TEAD4: variants seen among roughly 807,000 people sequenced by gnomAD.
TEAD4 encodes TEA domain transcription factor 4.
In TEAD4, 36 loss-of-function variants were observed where a neutral mutation model predicts 52.4. The ratio of observed to expected loss-of-function variants is 0.69; its 90% CI spans 0.53 to 0.91. The LOEUF (loss-of-function observed/expected upper bound fraction) is 0.91. Among genes scored for constraint, TEAD4 ranks in the 40% least tolerant of loss-of-function variants. TEAD4 has a pLI of 0.00. For synonymous variants in TEAD4, 220 were observed against 231.0 expected (o/e 0.95, Z 0.43); for missense variants, 508 against 583.9 (o/e 0.87, Z 1.34).
intron 10 of TEAD4, among the ~76,000 whole-genome samples, chr12:3,033,042 G>T (rs1591599944): frequency 6.6e-6 from 1 of 152,194 alleles, no homozygotes; most frequent in East Asian, 1.9e-4. Flanking sequence ...GCAAGGAAAC[G>T]GTGTCGCCTC....
At chr12:2,965,404 C>T (rs961865288) in intron 2 of TEAD4, among the ~76,000 whole-genome samples, 2 of 152,048 alleles carry the variant, frequency 1.3e-5, no homozygotes, top group Non-Finnish European at 2.9e-5. Context: ...AAGCAATCCT[C>T]CTACCTTGGC....
intron 10 of TEAD4, among the ~76,000 whole-genome samples, chr12:3,029,671 G>A (rs1310409591): frequency 6.6e-6 from 1 of 152,174 alleles, no homozygotes; most frequent in Admixed American, 6.5e-5. Flanking sequence ...GTGAGCCACT[G>A]TGCCTGGCCC....
At chr12:2,999,630 C>G (rs1019768662) in intron 3 of TEAD4, among the ~76,000 whole-genome samples, 2 of 152,234 alleles carry the variant, frequency 1.3e-5, no homozygotes, top group African/African-American at 4.8e-5. Context: ...GGGTGCTTGC[C>G]TTCTCCTGCT....
chr12:3,019,509 C>T (rs1220570550), intron 8 of TEAD4, among the ~76,000 whole-genome samples: 1 of 152,230 alleles, frequency 6.6e-6, no homozygotes, highest in Admixed American at 6.5e-5. Context: ...GTGCCTCACA[C>T]ACCTGGTCCT....
intron 2 of TEAD4, among the ~76,000 whole-genome samples, chr12:2,972,444 ATTTTACGTTCATT>A (rs978183183): frequency 9.2e-6 from 1 of 109,080 alleles, no homozygotes; most frequent in African/African-American, 3.5e-5. Flanking sequence ...AGAAGGTCTT[ATTTTACGTTCATT>A]TTTTACGTTT....
Position 3,036,323 on chromosome 12 carries a change from G to GT in TEAD4, c.898-1638dup, listed in dbSNP as rs1333075662. Among the ~76,000 whole-genome samples, 3 of 152,036 alleles carry GT rather than the reference G, an allele frequency of 2.0e-5. No individual in the cohort carries two copies. The South Asian group carries it at 6.2e-4, about 32-fold the overall frequency. The stretch of plus-strand genomic sequence containing the variant: ...ATAATAAATGCAGGTCCTTCTCAGC[G>GT]TTTTTTTGTGGCTACATAATGTTTC... On this transcript the variant is annotated intron_variant, in intron 10 of 12. Transcript: ENST00000359864.
chr12:3,026,615 C>T (rs1202455312), intron 10 of TEAD4, among the ~76,000 whole-genome samples: 1 of 152,190 alleles, frequency 6.6e-6, no homozygotes, highest in Non-Finnish European at 1.5e-5. Flanking sequence ...TGCATCTTGC[C>T]GTAAGGAACC....
At position 3,038,108 on chromosome 12, in the gene TEAD4, G is replaced by A; in HGVS notation, c.1038G>A (p.Glu346=). ...GCAAGCAGGTGGTGGAGAAAGTTGA[G>A]GTAGGAGGCCACCCTGGCGGGTGAG... Residue 346 remains glutamate (E), a splice_region_variant and synonymous_variant, in exon 11 of 13, where the codon GAG becomes GAA. Transcript: ENST00000359864. 1 of 1,611,488 alleles carries A rather than the reference G, an allele frequency of 6.2e-7. No homozygotes were observed.
rs2098280620 is a variant in TEAD4 at position 3,038,258 on chromosome 12, C to T, written c.1038+150C>T. On this transcript the variant is annotated intron_variant, in intron 11 of 12. Transcript: ENST00000359864. ...CCTGTCTGCTGTCAGTGCTGTGTGC[C>T]TCCCACACTCCCCTTGGCACCAGTG... is the stretch of plus-strand genomic sequence containing the variant. 5.9e-6 allele frequency: 6 copies of T among 1,017,464 alleles called. No homozygotes were observed. In the East Asian group the frequency reaches 1.3e-4, roughly 22 times the overall value. 63.0% of individuals were successfully genotyped at this position (1,017,464 alleles called of 1,614,324 possible). A position where few individuals can be genotyped will look rare whatever the true frequency, so the allele number is the denominator to read the frequency against.
At chr12:2,993,164 T>C (rs2098244507) in intron 2 of TEAD4, among the ~76,000 whole-genome samples, 1 of 152,196 alleles carries the variant, frequency 6.6e-6, no homozygotes, top group African/African-American at 2.4e-5. Flanking sequence ...GTATCCAGGT[T>C]GGTAGTGTTA....
chr12:2,996,566 A>C (rs1159220005), intron 3 of TEAD4, among the ~76,000 whole-genome samples: 1 of 149,102 alleles, frequency 6.7e-6, no homozygotes, highest in Non-Finnish European at 1.5e-5. Flanking sequence ...ACGTGCCACC[A>C]CTCCTGGCTA....
intron 7 of TEAD4, 131 bp downstream of exon 7, chr12:3,018,719 C>A: frequency 8.9e-7 from 1 of 1,122,350 alleles, no homozygotes. Context: ...CAGGATGGCT[C>A]TGAGCTCAGG....
In TEAD4 at chr12:3,020,640, A is replaced by G. The variant is rs1185664866; in HGVS notation, c.590A>G (p.Glu197Gly). The G allele has an allele frequency of 6.4e-7, 1 of 1,568,248 alleles. No homozygotes were observed. Among genetic ancestry groups the G allele is most frequent in the Non-Finnish European group, 8.7e-7 (1 of 1,155,374 alleles). Reference sequence around the variant, plus strand: ...CCTTTCTCACTTTGTGCAGGGTTTGAGTCTCCTGCAGGGCCCGCCCCATCG... The same window carrying G: ...CCTTTCTCACTTTGTGCAGGGTTTGGGTCTCCTGCAGGGCCCGCCCCATCG... Residue 197 changes from glutamate (E) to glycine (G), a missense_variant, in exon 9 of 13, where the codon GAG becomes GGG. Physicochemically the swap from Glu to Gly is moderately conservative, Grantham distance 98. Coordinates refer to ENST00000359864, the MANE Select transcript of TEAD4 (RefSeq NM_003213.4).
chr12:2,963,688 T>C (rs968917704), intron 2 of TEAD4, among the ~76,000 whole-genome samples: 2 of 152,234 alleles, frequency 1.3e-5, no homozygotes, highest in Non-Finnish European at 2.9e-5. Context: ...ATCTGGGAGA[T>C]TCTAATCACA....
At chr12:2,977,834 C>G (rs959966833) in intron 2 of TEAD4, among the ~76,000 whole-genome samples, 2 of 152,212 alleles carry the variant, frequency 1.3e-5, no homozygotes, top group African/African-American at 4.8e-5. Flanking sequence ...GGAGCTCAGG[C>G]CCTGGGACAC....
At chr12:2,998,638 C>T (rs946322055) in intron 3 of TEAD4, among the ~76,000 whole-genome samples, 4 of 151,912 alleles carry the variant, frequency 2.6e-5, no homozygotes, top group East Asian at 3.9e-4. Flanking sequence ...TGTGATCTTT[C>T]GGTCCTTTCA....
At chr12:2,982,321 T>TG (rs1280707140) in intron 2 of TEAD4, among the ~76,000 whole-genome samples, 1 of 152,222 alleles carries the variant, frequency 6.6e-6, no homozygotes, top group Non-Finnish European at 1.5e-5. Flanking sequence ...CTTCTGGGGT[T>TG]GCCCTGGGGG....
intron 10 of TEAD4, among the ~76,000 whole-genome samples, chr12:3,026,396 G>A (rs1270179044): frequency 6.6e-6 from 1 of 152,202 alleles, no homozygotes; most frequent in African/African-American, 2.4e-5. Flanking sequence ...GAAGTCTGGA[G>A]GTAAAGACTG....
intron 5 of TEAD4, among the ~76,000 whole-genome samples, chr12:3,013,026 A>C (rs946745104): frequency 1.3e-5 from 2 of 152,176 alleles, no homozygotes; most frequent in Admixed American, 1.3e-4. Context: ...GTCATAGCTC[A>C]CTGCAGCCTC....
Sources: allele counts gnomAD v4.1 joint callset (sites outside exome capture counted in the v4.1 genomes callset), GRCh38; gene constraint gnomAD v4.1.1; transcripts MANE v1.5; gene names NCBI Gene and HGNC (gene_info 2026-07-23, HGNC 2026-07-21).